APLF: variants seen among roughly 807,000 people sequenced by gnomAD.
The protein encoded by APLF is aprataxin and PNKP like factor.
Under a neutral mutation model 55.6 loss-of-function variants are expected in APLF, and 61 were observed. The ratio of observed to expected loss-of-function variants is 1.10; its 90% CI spans 0.89 to 1.36. The LOEUF is 1.36. APLF is among the 40% of genes most tolerant of loss of function. APLF has a pLI of 0.00. For missense variants in APLF, 611 were observed against 602.5 expected, an observed-to-expected ratio of 1.01 and a Z score of -0.15; for synonymous variants, 207 against 214.8, an observed-to-expected ratio of 0.96 and a Z score of 0.32.
At chr2:68,550,746 G>T (rs911918233) in intron 8 of APLF, among the ~76,000 whole-genome samples, 3 of 151,556 alleles carry the variant, frequency 2.0e-5, no homozygotes, top group African/African-American at 7.3e-5. Context: ...CTACCTTACT[G>T]TTGGTGCTTT....
intron 2 of APLF, among the ~76,000 whole-genome samples, chr2:68,497,888 G>A (rs1676604771): frequency 6.6e-6 from 1 of 152,146 alleles, no homozygotes; most frequent in Non-Finnish European, 1.5e-5. Flanking sequence ...AAAAAATCCA[G>A]TAGAAAAATG....
intron 8 of APLF, among the ~76,000 whole-genome samples, chr2:68,550,878 G>A (rs1339607047): frequency 6.6e-6 from 1 of 152,020 alleles, no homozygotes; most frequent in Admixed American, 6.6e-5. Context: ...ACAAGACATT[G>A]TAATTATTGT....
At chr2:68,574,755 G>C (rs1156449792) in intron 9 of APLF, among the ~76,000 whole-genome samples, 1 of 152,294 alleles carries the variant, frequency 6.6e-6, no homozygotes, top group East Asian at 1.9e-4. Context: ...TTAATAAGTT[G>C]CTAAATATTT....
At chr2:68,494,905 G>T (rs991591586) in intron 2 of APLF, among the ~76,000 whole-genome samples, 12 of 151,864 alleles carry the variant, frequency 7.9e-5, no homozygotes, top group African/African-American at 2.7e-4. Context: ...GTCTATCATT[G>T]ATGGGCATTT....
At chr2:68,507,538 C>T (rs1222877703) in intron 3 of APLF, among the ~76,000 whole-genome samples, 2 of 151,756 alleles carry the variant, frequency 1.3e-5, no homozygotes, top group African/African-American at 4.8e-5. Context: ...CCAGGAGTAC[C>T]AAAACTCATG....
At chr2:68,555,345 A>G (rs1193317828) in intron 8 of APLF, among the ~76,000 whole-genome samples, 1 of 152,224 alleles carries the variant, frequency 6.6e-6, no homozygotes, top group Non-Finnish European at 1.5e-5. Context: ...TTACACAGCA[A>G]AAGCAACAGT....
chr2:68,519,039 T>TATAATAATATAATATGTAATTAATATATA (rs1558540202), intron 5 of APLF, among the ~76,000 whole-genome samples: 73 of 117,790 alleles, frequency 6.2e-4, no homozygotes, highest in African/African-American at 2.7e-3. Context: ...ATGATTAATA[T>TATAATAATATAATATGTAATTAATATATA]ATAATAATAT....
At chr2:68,502,558 T>A (rs967123316) in intron 2 of APLF, among the ~76,000 whole-genome samples, 173 bp from the exon 3 acceptor site, 4 of 151,874 alleles carry the variant, frequency 2.6e-5, no homozygotes, top group African/African-American at 9.7e-5. Context: ...ATAATTATGG[T>A]ACTTATAAGA....
intron 7 of APLF, among the ~76,000 whole-genome samples, chr2:68,542,741 C>T (rs1039316081): frequency 6.6e-6 from 1 of 152,108 alleles, no homozygotes; most frequent in Non-Finnish European, 1.5e-5. Flanking sequence ...CTGTGGGAAA[C>T]AGTATGGTAG....
At chr2:68,509,221 G>C (rs1676968126) in intron 3 of APLF, among the ~76,000 whole-genome samples, 2 of 152,058 alleles carry the variant, frequency 1.3e-5, no homozygotes, top group Non-Finnish European at 2.9e-5. Flanking sequence ...ATTGACAAAT[G>C]GGATCTCATT....
chr2:68,561,108 A>T (rs1337261472), intron 8 of APLF, among the ~76,000 whole-genome samples: 1 of 152,136 alleles, frequency 6.6e-6, no homozygotes, highest in African/African-American at 2.4e-5. Context: ...AGCACATAGG[A>T]TTTCTAGCCA....
At chr2:68,563,244 A>G (rs975272977) in intron 8 of APLF, 2 of 985,152 alleles carry the variant, frequency 2.0e-6, no homozygotes, top group African/African-American at 3.5e-5. Flanking sequence ...CTTCTAAGGC[A>G]GATGAAAACC....
chr2:68,518,543 A>ATATCAATAATGTATCATGAAT (rs747850134), intron 5 of APLF, among the ~76,000 whole-genome samples: 1,845 of 117,490 alleles, frequency 0.016, 23 homozygotes, highest in Middle Eastern at 0.037. Context: ...AATATATAAT[A>ATATCAATAATGTATCATGAAT]ATATATCAAT....
rs1405650423 is a variant in APLF, at chr2:68,491,233, A to G, written c.168+972A>G. On this transcript the variant is annotated intron_variant, in intron 2 of 9. Coordinates refer to ENST00000303795, the MANE Select transcript of APLF (RefSeq NM_173545.3). ...GAAAAAGTGTTAATATCTGGAGTCA[A>G]CACTTCTTTAGGAGCCACTGTATTT... 2.6e-5 allele frequency among the ~76,000 whole-genome samples: 4 copies of G among 152,172 alleles called. No individual in the cohort carries two copies. In the East Asian group the frequency reaches 5.8e-4, roughly 22 times the overall value.
At chr2:68,563,937 T>C (rs1047904956) in intron 8 of APLF, among the ~76,000 whole-genome samples, 1 of 152,070 alleles carries the variant, frequency 6.6e-6, no homozygotes, top group Non-Finnish European at 1.5e-5. Flanking sequence ...GATGAAGATA[T>C]ATGGAATTTC....
chr2:68,545,746 C>T lies in APLF; in HGVS notation c.1286+434C>T, dbSNP rs368369473. 1.1e-4 allele frequency among the ~76,000 whole-genome samples: 16 copies of T among 152,278 alleles called. No homozygotes were observed. In the South Asian group the frequency reaches 3.1e-3, roughly 30 times the overall value. On this transcript the variant is annotated intron_variant, in intron 8 of 9. Transcript: ENST00000303795. ...TAAAGGAAGAGTAAGAATACTTCTC[C>T]TCTCAGTTTTCATGGCATCTTGTCC... is the stretch of plus-strand genomic sequence containing the variant.
intron 1 of APLF, among the ~76,000 whole-genome samples, chr2:68,480,391 G>T (rs575422818): frequency 6.6e-6 from 1 of 150,458 alleles, no homozygotes; most frequent in Non-Finnish European, 1.5e-5. Context: ...TGCAACCTCC[G>T]TCTCCCAGAT....
At chr2:68,539,943 A>C (rs182492828) in intron 7 of APLF, among the ~76,000 whole-genome samples, 1 of 152,264 alleles carries the variant, frequency 6.6e-6, no homozygotes, top group East Asian at 1.9e-4. Context: ...AGAAAGGAAA[A>C]AATAAAACTG....
At position 68,579,318 on chromosome 2, in the gene APLF, T is replaced by C; in HGVS notation, c.*1296T>C. 2.2e-6 allele frequency: 2 copies of C among 911,034 alleles called. 1 individual carries two copies. Among genetic ancestry groups the C allele is most frequent in the Middle Eastern group, 1.1e-3 (2 of 1,762 alleles). The allele number at this position is 911,034 out of a possible 1,614,324, so 56.4% of individuals were successfully genotyped here. A position where few individuals can be genotyped will look rare whatever the true frequency, so the allele number is the denominator to read the frequency against. ...TTATCTCTTATTGTTATTTGGGAAC[T>C]ATTTTTCCCCTTATAATGTCCCTTT... On this transcript the variant is annotated 3_prime_UTR_variant, in exon 10 of 10. Transcript: ENST00000303795.
Sources: gnomAD v4.1 joint callset for allele counts (sites outside exome capture counted in the v4.1 genomes callset) on GRCh38, gnomAD v4.1.1 for gene constraint, MANE v1.5 for transcripts, NCBI Gene and HGNC (gene_info 2026-07-23, HGNC 2026-07-21) for gene names.